The following VTI1A variants were observed in gnomAD, a reference collection of about 807,000 sequenced individuals.
The protein encoded by VTI1A is vesicle transport through interaction with t-SNAREs homolog 1A.
In VTI1A, 22 loss-of-function variants were observed where a neutral mutation model predicts 34.9. That is an observed-to-expected ratio of 0.63 (90% CI 0.45 to 0.90). The LOEUF is 0.90. Among genes scored for constraint, VTI1A ranks in the 40% least tolerant of loss-of-function variants. The probability of loss-of-function intolerance (pLI) is 0.00; values close to 1 mark genes in which losing one functional copy is unlikely to be tolerated. For synonymous variants in VTI1A, 87 were observed against 97.3 expected (o/e 0.89, Z 0.62); for missense variants, 268 against 275.6 (o/e 0.97, Z 0.20).
chr10:112,488,406 C>T (rs1848715831), intron 3 of VTI1A, among the ~76,000 whole-genome samples: 1 of 152,184 alleles, frequency 6.6e-6, no homozygotes, highest in South Asian at 2.1e-4. Context: ...CCAAGTCGAA[C>T]TATCATTATA....
intron 7 of VTI1A, among the ~76,000 whole-genome samples, chr10:112,794,339 T>G (rs1369747873): frequency 1.3e-5 from 2 of 152,112 alleles, no homozygotes; most frequent in African/African-American, 4.8e-5. Flanking sequence ...GAAGATCACT[T>G]GAGGCCAGGA....
chr10:112,585,522 T>A (rs1844113525), intron 5 of VTI1A, among the ~76,000 whole-genome samples: 1 of 152,222 alleles, frequency 6.6e-6, no homozygotes, highest in Admixed American at 6.5e-5. Context: ...TTTGCCAAGC[T>A]TGAATATTCT....
At chr10:112,604,595 C>T (rs895593072) in intron 5 of VTI1A, among the ~76,000 whole-genome samples, 1 of 152,190 alleles carries the variant, frequency 6.6e-6, no homozygotes, top group Non-Finnish European at 1.5e-5. Context: ...TGCTTCCACA[C>T]AACCAGATGT....
At chr10:112,505,789 TC>T (rs1311080371) in intron 3 of VTI1A, among the ~76,000 whole-genome samples, 1 of 152,076 alleles carries the variant, frequency 6.6e-6, no homozygotes, top group Admixed American at 6.6e-5. Context: ...TCCTCCCACT[TC>T]TGCCTCCTGA....
In VTI1A at chr10:112,447,295, G is replaced by A; in HGVS notation, c.-79G>A. The A allele has an allele frequency of 6.7e-6, 10 of 1,503,418 alleles. No individual in the cohort carries two copies. The South Asian group carries it at 9.5e-5, about 14-fold the overall frequency. The allele number at this position is 1,503,418 out of a possible 1,614,324, so 93.1% of individuals were successfully genotyped here. On this transcript the variant is annotated 5_prime_UTR_variant, in exon 1 of 8. Coordinates refer to ENST00000393077, the MANE Select transcript of VTI1A (RefSeq NM_145206.4). Reference sequence around the variant, plus strand: ...CGGGGGCACCTTCCGGGGTTCCTAAGCCGCGGGGCCCCTCGCTGCCCCTCG... The same window carrying A: ...CGGGGGCACCTTCCGGGGTTCCTAAACCGCGGGGCCCCTCGCTGCCCCTCG...
At chr10:112,463,866 C>T (rs1353159458) in intron 2 of VTI1A, among the ~76,000 whole-genome samples, 1 of 152,184 alleles carries the variant, frequency 6.6e-6, no homozygotes, top group Admixed American at 6.5e-5. Flanking sequence ...TAATAGCTTA[C>T]TTTATCTTCC....
chr10:112,517,170 A>C (rs746005205), intron 3 of VTI1A, among the ~76,000 whole-genome samples: 1 of 152,026 alleles, frequency 6.6e-6, no homozygotes, highest in Non-Finnish European at 1.5e-5. Context: ...GAGAAGCACA[A>C]TTCCTCCAAG....
chr10:112,736,636 A>G, intron 7 of VTI1A: 1 of 1,525,600 alleles, frequency 6.6e-7, no homozygotes, highest in Non-Finnish European at 8.9e-7. Flanking sequence ...TAAATGCCAA[A>G]ATTGGAAACA....
intron 7 of VTI1A, among the ~76,000 whole-genome samples, chr10:112,720,957 T>TAA (rs34722200): frequency 2.7e-5 from 4 of 148,254 alleles, no homozygotes; most frequent in African/African-American, 9.9e-5. Flanking sequence ...CTCACTGATT[T>TAA]AAAAAAAAAA....
At chr10:112,592,073 G>A (rs779811891) in intron 5 of VTI1A, among the ~76,000 whole-genome samples, 2 of 152,142 alleles carry the variant, frequency 1.3e-5, no homozygotes, top group Non-Finnish European at 2.9e-5. Context: ...AGAGTTCGCT[G>A]GCTGACAAGC....
chr10:112,447,466 T>C lies in VTI1A; in HGVS notation c.93T>C (p.Pro31=), dbSNP rs745434035. ...TTGCGAGGGTCCCACGACTCCCGCCTGGTGAGAGCCTTGCCCGGCTGGACG... is the reference window on the plus strand; with the variant it reads ...TTGCGAGGGTCCCACGACTCCCGCCCGGTGAGAGCCTTGCCCGGCTGGACG... The part of the protein sequence containing the change: ...SKIARVPRLP[P]DEKKQMVANV... Residue 31 remains proline, a splice_region_variant and synonymous_variant, in exon 1 of 8, where the codon CCT becomes CCC. Coordinates refer to ENST00000393077, the MANE Select transcript of VTI1A (RefSeq NM_145206.4). 6 of 1,613,074 alleles carry C rather than the reference T, an allele frequency of 3.7e-6. No homozygotes were observed. Among genetic ancestry groups the C allele is most frequent in the Non-Finnish European group, 5.1e-6 (6 of 1,179,816 alleles).
intron 7 of VTI1A, among the ~76,000 whole-genome samples, chr10:112,810,072 G>A (rs1590205853): frequency 6.6e-6 from 1 of 151,854 alleles, no homozygotes; most frequent in East Asian, 1.9e-4. Flanking sequence ...ATAAGTTAAA[G>A]TCCAAAGAAA....
intron 5 of VTI1A, among the ~76,000 whole-genome samples, chr10:112,598,295 C>T (rs766716974): frequency 4.9e-4 from 74 of 152,142 alleles, no homozygotes; most frequent in Non-Finnish European, 1.3e-4. Flanking sequence ...TGTGTTTTCA[C>T]TTATGCAGGT....
chr10:112,538,976 G>C (rs1313528281), intron 5 of VTI1A, among the ~76,000 whole-genome samples: 2 of 152,060 alleles, frequency 1.3e-5, no homozygotes, highest in Admixed American at 1.3e-4. Context: ...CATAATCTTA[G>C]TATGACTTCT....
At chr10:112,843,101 T>A in the VTI1A span, among the ~76,000 whole-genome samples, 2 of 152,228 alleles carry the variant, frequency 1.3e-5, no homozygotes, top group African/African-American at 4.8e-5. Flanking sequence ...GTTTTACCCA[T>A]GGGTCAAGCT....
chr10:112,723,717 G>C (rs1849900352), intron 7 of VTI1A, among the ~76,000 whole-genome samples: 1 of 152,250 alleles, frequency 6.6e-6, no homozygotes, highest in Non-Finnish European at 1.5e-5. Flanking sequence ...TGAATATGTG[G>C]GATAGCCTCA....
intron 7 of VTI1A, among the ~76,000 whole-genome samples, chr10:112,724,705 A>G (rs1182028418): frequency 2.0e-5 from 3 of 151,842 alleles, no homozygotes; most frequent in South Asian, 2.1e-4. Context: ...CTCTATAGAT[A>G]AGGGTTGTGT....
chr10:112,661,555 A>G lies in VTI1A; in HGVS notation c.428-6663A>G, dbSNP rs568879476. On this transcript the variant is annotated intron_variant, in intron 5 of 7. Transcript: ENST00000393077. The stretch of plus-strand genomic sequence containing the variant: ...ACCTGCAGCTTAGTTCTGCTGGGTA[A>G]TATTTTTTGGTTATCAAAGAGTATT... Among the ~76,000 whole-genome samples, 4 of 152,212 alleles carry G rather than the reference A, an allele frequency of 2.6e-5. No homozygotes were observed. In the East Asian group the frequency reaches 5.8e-4, roughly 22 times the overall value.
intron 5 of VTI1A, among the ~76,000 whole-genome samples, chr10:112,602,534 T>C (rs781603894): frequency 3.3e-5 from 5 of 152,256 alleles, no homozygotes; most frequent in Non-Finnish European, 7.3e-5. Flanking sequence ...TAAAATAGTT[T>C]TGATGCCTTT....
Sources: gnomAD v4.1 joint callset for allele counts (sites outside exome capture counted in the v4.1 genomes callset) on GRCh38, gnomAD v4.1.1 for gene constraint, MANE v1.5 for transcripts, NCBI Gene and HGNC (gene_info 2026-07-23, HGNC 2026-07-21) for gene names.